PLPPR1: variants seen among roughly 807,000 people sequenced by gnomAD.
PLPPR1 encodes phospholipid phosphatase-related protein type 1.
A neutral mutation model predicts 33.1 loss-of-function variants in PLPPR1; 10 were observed. The ratio of observed to expected loss-of-function variants is 0.30; its 90% confidence interval spans 0.19 to 0.51. The LOEUF (loss-of-function observed/expected upper bound fraction) is 0.51. Among genes scored for constraint, PLPPR1 ranks in the 20% least tolerant of loss-of-function variants. The probability of loss-of-function intolerance (pLI) is 0.97; values close to 1 mark genes in which losing one functional copy is unlikely to be tolerated. For missense variants in PLPPR1, 304 were observed against 408.1 expected, an observed-to-expected ratio of 0.74 and a Z score of 2.20; for synonymous variants, 151 against 151.0, an observed-to-expected ratio of 1.00 and a Z score of 0.00.
At chr9:101,029,731 A>T (rs1292187894) in intron 1 of PLPPR1, among the ~76,000 whole-genome samples, 2 of 152,054 alleles carry the variant, frequency 1.3e-5, no homozygotes, top group African/African-American at 4.8e-5. Context: ...CAGTGCGGGG[A>T]TAAATGATGA....
chr9:101,134,140 G>T (rs1355102116), intron 1 of PLPPR1, among the ~76,000 whole-genome samples: 1 of 152,116 alleles, frequency 6.6e-6, no homozygotes, highest in African/African-American at 2.4e-5. Context: ...CAGGAGTTTT[G>T]TTCTACTGTA....
At chr9:101,293,847 A>G (rs911879754) in intron 4 of PLPPR1, among the ~76,000 whole-genome samples, 1 of 152,128 alleles carries the variant, frequency 6.6e-6, no homozygotes, top group Non-Finnish European at 1.5e-5. Flanking sequence ...CACAAGAGAA[A>G]GCAGGAAAGA....
At chr9:101,108,600 G>T (rs1831009257) in intron 1 of PLPPR1, among the ~76,000 whole-genome samples, 1 of 152,186 alleles carries the variant, frequency 6.6e-6, no homozygotes, top group Admixed American at 6.5e-5. Flanking sequence ...AAGAAATTTG[G>T]TCACCTTAAG....
chr9:101,324,093 A>G lies in PLPPR1; in HGVS notation c.*36A>G. On this transcript the variant is annotated 3_prime_UTR_variant, in exon 8 of 8. Transcript: ENST00000374874. ...GTGTCACAAGCTGTTTTTTAAAATC[A>G]TCTTCCAATTCTATACTTCAAAACA... is the stretch of plus-strand genomic sequence containing the variant. 1 of 1,584,664 alleles carries G rather than the reference A, an allele frequency of 6.3e-7. No homozygotes were observed.
At chr9:101,098,029 CT>C (rs201025870) in intron 1 of PLPPR1, among the ~76,000 whole-genome samples, 2 of 130,190 alleles carry the variant, frequency 1.5e-5, no homozygotes, top group South Asian at 2.2e-4. Flanking sequence ...CATGGTGGTG[CT>C]TTTTTTCCCC....
At chr9:101,311,181 A>G (rs943567858) in intron 5 of PLPPR1, among the ~76,000 whole-genome samples, 2 of 152,210 alleles carry the variant, frequency 1.3e-5, no homozygotes, top group Non-Finnish European at 2.9e-5. Flanking sequence ...ATAATAAACT[A>G]CTGTCTCAAC....
At chr9:101,189,514 CT>C (rs1826259181) in intron 2 of PLPPR1, among the ~76,000 whole-genome samples, 1 of 152,122 alleles carries the variant, frequency 6.6e-6, no homozygotes, top group Non-Finnish European at 1.5e-5. Context: ...GACCCTCCAA[CT>C]TTGTCATGAG....
intron 1 of PLPPR1, among the ~76,000 whole-genome samples, chr9:101,145,569 A>G (rs1432519849): frequency 6.6e-6 from 1 of 152,040 alleles, no homozygotes; most frequent in East Asian, 1.9e-4. Flanking sequence ...TTTAGTAGAG[A>G]CGGGTTTCAC....
intron 1 of PLPPR1, among the ~76,000 whole-genome samples, chr9:101,162,951 C>G (rs1365711092): frequency 6.6e-6 from 1 of 152,178 alleles, no homozygotes; most frequent in Non-Finnish European, 1.5e-5. Flanking sequence ...TAAAGCCCCA[C>G]CGGCTGACAT....
chr9:101,078,102 G>GAGAAGGAGAAGGAGAAGAAGAAGA (rs1564138111), intron 1 of PLPPR1, among the ~76,000 whole-genome samples: 5 of 24,872 alleles, frequency 2.0e-4, no homozygotes, highest in African/African-American at 3.6e-4. Context: ...GAAGGAGAAG[G>GAGAAGGAGAAGGAGAAGAAGAAGA]AGAAGAAGAA....
At chr9:101,115,040 C>T (rs1831102521) in intron 1 of PLPPR1, among the ~76,000 whole-genome samples, 1 of 152,104 alleles carries the variant, frequency 6.6e-6, no homozygotes, top group Non-Finnish European at 1.5e-5. Flanking sequence ...GATGACTCTC[C>T]AGGTAACTTC....
chr9:101,178,534 C>T (rs1348751717), intron 1 of PLPPR1, among the ~76,000 whole-genome samples: 1 of 152,194 alleles, frequency 6.6e-6, no homozygotes, highest in Non-Finnish European at 1.5e-5. Context: ...TGGTATTCCA[C>T]ACAGCATTGC....
At chr9:101,219,501 C>A (rs1031690654) in intron 2 of PLPPR1, among the ~76,000 whole-genome samples, 1 of 152,120 alleles carries the variant, frequency 6.6e-6, no homozygotes, top group Non-Finnish European at 1.5e-5. Context: ...CTCGCCATGC[C>A]AGAATTTGCA....
chr9:101,141,365 A>T (rs1488006804), intron 1 of PLPPR1, among the ~76,000 whole-genome samples: 1 of 152,158 alleles, frequency 6.6e-6, no homozygotes, highest in Non-Finnish European at 1.5e-5. Flanking sequence ...CACTGGGGTA[A>T]GCATTTGATG....
chr9:101,207,532 A>G (rs2118760476), intron 2 of PLPPR1, among the ~76,000 whole-genome samples: 1 of 152,248 alleles, frequency 6.6e-6, no homozygotes, highest in Admixed American at 6.5e-5. Flanking sequence ...CCTGAGATGA[A>G]GTGGGGGTGT....
At chr9:101,059,642 AAAAATG>A (rs1830320122) in intron 1 of PLPPR1, among the ~76,000 whole-genome samples, 1 of 152,144 alleles carries the variant, frequency 6.6e-6, no homozygotes, top group African/African-American at 2.4e-5. Flanking sequence ...AATCAAATTA[AAAAATG>A]GGCAAAGGGC....
At chr9:101,315,549 T>C (rs1829035922) in intron 6 of PLPPR1, among the ~76,000 whole-genome samples, 1 of 152,236 alleles carries the variant, frequency 6.6e-6, no homozygotes, top group Non-Finnish European at 1.5e-5. Context: ...CATGCAGCCC[T>C]GTTTCTCATC....
intron 2 of PLPPR1, chr9:101,187,470 CT>C (rs1826224791): frequency 6.6e-6 from 1 of 151,886 alleles, no homozygotes; most frequent in African/African-American, 2.4e-5. Flanking sequence ...ATGGTTTATT[CT>C]TTTTCTTGTT....
At chr9:101,058,132 A>G (rs1393839709) in intron 1 of PLPPR1, among the ~76,000 whole-genome samples, 2 of 152,146 alleles carry the variant, frequency 1.3e-5, no homozygotes, top group Non-Finnish European at 1.5e-5. Flanking sequence ...GAGATACATC[A>G]TACTTGGCAT....
Sources: gnomAD v4.1 joint callset for allele counts (sites outside exome capture counted in the v4.1 genomes callset) on GRCh38, gnomAD v4.1.1 for gene constraint, MANE v1.5 for transcripts, NCBI Gene and HGNC (gene_info 2026-07-23, HGNC 2026-07-21) for gene names.